The following GNG2 variants were observed in gnomAD, a reference collection of about 807,000 sequenced individuals.
GNG2 encodes the protein G protein subunit gamma 2, also known as guanine nucleotide-binding protein G(I)/G(S)/G(O) subunit gamma-2.
Under a neutral mutation model 5.5 loss-of-function variants are expected in GNG2, and 5 were observed. The observed-to-expected ratio is 0.91, with a 90% CI of 0.48 to 1.92. GNG2 has a LOEUF of 1.92. Among genes scored for constraint, GNG2 ranks in the 30% most tolerant of loss-of-function variants. The pLI, the probability that GNG2 is intolerant of heterozygous loss-of-function variation, is 0.01. For synonymous variants in GNG2, 28 were observed against 32.0 expected, an observed-to-expected ratio of 0.88 and a Z score of 0.42; for missense variants, 55 against 88.4, an observed-to-expected ratio of 0.62 and a Z score of 1.52.
chr14:51,843,189 G>A (rs1158037276), intron 2 of GNG2, among the ~76,000 whole-genome samples: 5 of 152,150 alleles, frequency 3.3e-5, no homozygotes, highest in African/African-American at 1.2e-4. Flanking sequence ...AAGAAATGAT[G>A]CTTCTATATT....
At chr14:51,959,668 G>C (rs1417594858) in intron 3 of GNG2, among the ~76,000 whole-genome samples, 1 of 108,810 alleles carries the variant, frequency 9.2e-6, no homozygotes, top group Non-Finnish European at 2.3e-5. Flanking sequence ...TGCTTCGTTA[G>C]AATGTAAGTC....
At chr14:51,835,550 G>C (rs1398064809) in intron 2 of GNG2, among the ~76,000 whole-genome samples, 1 of 152,124 alleles carries the variant, frequency 6.6e-6, no homozygotes, top group Non-Finnish European at 1.5e-5. Context: ...TGCTGACCCA[G>C]CACGTCAAAG....
At chr14:51,841,039 C>T (rs1252632844) in intron 2 of GNG2, among the ~76,000 whole-genome samples, 3 of 152,064 alleles carry the variant, frequency 2.0e-5, no homozygotes, top group Non-Finnish European at 2.9e-5. Context: ...ACCACAAATG[C>T]ATAATATGAA....
intron 2 of GNG2, among the ~76,000 whole-genome samples, chr14:51,942,604 T>TCTTTCTTTC (rs1249305355): frequency 2.7e-4 from 38 of 142,652 alleles, no homozygotes; most frequent in South Asian, 6.8e-4. Context: ...TTTTTTTTTT[T>TCTTTCTTTC]TTAGAGACAG....
chr14:51,916,050 G>C (rs1886599821), intron 2 of GNG2: 1 of 152,936 alleles, frequency 6.5e-6, no homozygotes, highest in East Asian at 1.9e-4. Context: ...GAGAACAGGA[G>C]CCTATTCCTG....
At chr14:51,884,850 A>G (rs1884338167) in intron 2 of GNG2, among the ~76,000 whole-genome samples, 2 of 152,146 alleles carry the variant, frequency 1.3e-5, no homozygotes, top group Admixed American at 1.3e-4. Context: ...TCACCAGACC[A>G]CGATAGTTGG....
At chr14:51,938,174 A>G (rs1260434602) in intron 2 of GNG2, among the ~76,000 whole-genome samples, 1 of 152,196 alleles carries the variant, frequency 6.6e-6, no homozygotes, top group Non-Finnish European at 1.5e-5. Context: ...CATGAAAGTT[A>G]GAAATTCCAA....
At chr14:51,844,471 G>A (rs6572797) in intron 2 of GNG2, among the ~76,000 whole-genome samples, 34,387 of 152,082 alleles carry the variant, frequency 0.23, 4,524 homozygotes, top group African/African-American at 0.35. Context: ...ATTGGCTTCA[G>A]TGGAGCTGAA....
At chr14:51,914,365 C>T in intron 2 of GNG2, 2 of 689,296 alleles carry the variant, frequency 2.9e-6, no homozygotes, top group Admixed American at 2.1e-5. Context: ...AACCATAGCT[C>T]CTGCTCTAAT....
At chr14:51,885,610 C>CAT (rs35583464) in intron 2 of GNG2, among the ~76,000 whole-genome samples, 2 of 149,842 alleles carry the variant, frequency 1.3e-5, no homozygotes, top group Non-Finnish European at 3.0e-5. Flanking sequence ...CACACACACA[C>CAT]CCCCGCCCCC....
chr14:51,965,959 A>C (rs575373087), intron 3 of GNG2, among the ~76,000 whole-genome samples: 78 of 152,218 alleles, frequency 5.1e-4, no homozygotes, highest in African/African-American at 1.9e-3. Flanking sequence ...CTGTAATCCC[A>C]GCACTTTCGG....
intron 2 of GNG2, among the ~76,000 whole-genome samples, chr14:51,886,670 TG>T (rs1222536627): frequency 6.6e-6 from 1 of 152,150 alleles, no homozygotes; most frequent in Admixed American, 6.6e-5. Flanking sequence ...ACCTCCTTAG[TG>T]GAGCTGTGGC....
intron 2 of GNG2, among the ~76,000 whole-genome samples, chr14:51,935,542 T>C (rs748003631): frequency 3.9e-5 from 6 of 152,092 alleles, no homozygotes; most frequent in Non-Finnish European, 8.8e-5. Flanking sequence ...TGCTCCCAAT[T>C]TGGGGGGATG....
intron 2 of GNG2, among the ~76,000 whole-genome samples, chr14:51,887,798 T>C (rs1362688374): frequency 2.0e-5 from 3 of 152,204 alleles, no homozygotes; most frequent in Non-Finnish European, 4.4e-5. Flanking sequence ...TGCTATAAAA[T>C]TAATTGAAAT....
At chr14:51,926,710 C>G (rs1887349462) in intron 2 of GNG2, among the ~76,000 whole-genome samples, 1 of 152,172 alleles carries the variant, frequency 6.6e-6, no homozygotes, top group South Asian at 2.1e-4. Context: ...GGGATTCAGT[C>G]TGTGAGAATG....
chr14:51,850,111 G>C (rs1881837668), intron 2 of GNG2, among the ~76,000 whole-genome samples: 1 of 152,130 alleles, frequency 6.6e-6, no homozygotes, highest in Non-Finnish European at 1.5e-5. Context: ...TTTGTTTCTG[G>C]GAGTTTTGAA....
chr14:51,910,329 A>T (rs1403448195), intron 2 of GNG2, among the ~76,000 whole-genome samples: 1 of 152,230 alleles, frequency 6.6e-6, no homozygotes, highest in Non-Finnish European at 1.5e-5. Flanking sequence ...GGGGCTAGCT[A>T]AGGAACTGAA....
intron 2 of GNG2, among the ~76,000 whole-genome samples, chr14:51,852,738 G>A (rs1881965882): frequency 1.3e-5 from 2 of 152,232 alleles, no homozygotes; most frequent in Admixed American, 1.3e-4. Context: ...CTTAAAGAAT[G>A]TTGAACAGCT....
intron 2 of GNG2, among the ~76,000 whole-genome samples, chr14:51,895,699 C>T (rs1885145370): frequency 6.6e-6 from 1 of 152,232 alleles, no homozygotes; most frequent in South Asian, 2.1e-4. Context: ...ACATATCCCA[C>T]TGATATGGTT....
Sources: allele counts gnomAD v4.1 joint callset (sites outside exome capture counted in the v4.1 genomes callset), GRCh38; gene constraint gnomAD v4.1.1; transcripts MANE v1.5; gene names NCBI Gene and HGNC (gene_info 2026-07-23, HGNC 2026-07-21).